Variants in PYROXD1 observed in about 807,000 individuals in gnomAD.
PYROXD1 encodes pyridine nucleotide-disulphide oxidoreductase domain 1.
PYROXD1 carries 42 observed loss-of-function variants against 62.0 expected under a neutral mutation model. The observed-to-expected ratio is 0.68, with a 90% CI of 0.53 to 0.88. PYROXD1 has a LOEUF of 0.88. Ranked by LOEUF, PYROXD1 falls within the 40% of genes least tolerant of loss-of-function variation. The probability of loss-of-function intolerance (pLI) is 0.00; values close to 1 mark genes in which losing one functional copy is unlikely to be tolerated. For missense variants in PYROXD1, 493 were observed against 604.8 expected, an observed-to-expected ratio of 0.82 and a Z score of 1.94; for synonymous variants, 170 against 206.4, an observed-to-expected ratio of 0.82 and a Z score of 1.51.
chr12:21,460,992 G>T, intron 7 of PYROXD1, 33 bp from the exon 8 acceptor site: 1 of 1,366,116 alleles, frequency 7.3e-7, no homozygotes, highest in Non-Finnish European at 9.9e-7. Context: ...CTTTCTGTAA[G>T]TATTATGCTA....
intron 3 of PYROXD1, 132 bp from the exon 4 acceptor site, chr12:21,449,431 T>A: frequency 1.5e-6 from 1 of 666,914 alleles, no homozygotes. Context: ...AACAAAGAAC[T>A]GAGTGCCACC....
intron 10 of PYROXD1, among the ~76,000 whole-genome samples, chr12:21,465,934 C>T (rs1181356206): frequency 2.0e-5 from 3 of 152,184 alleles, no homozygotes; most frequent in Admixed American, 1.3e-4. Context: ...ATCCCTTCCC[C>T]ATTTCTTCTT....
chr12:21,469,049 A>G lies in PYROXD1; in HGVS notation c.*295A>G. 3.7e-6 allele frequency: 1 copy of G among 270,272 alleles called. No homozygotes were observed. The allele number at this position is 270,272 out of a possible 1,614,324, so 16.7% of individuals were successfully genotyped here. On this transcript the variant is annotated 3_prime_UTR_variant, in exon 12 of 12. Coordinates refer to ENST00000240651, the MANE Select transcript of PYROXD1 (RefSeq NM_024854.5). ...TACTTGTGATTTAGCTTTGGAGCAA[A>G]TTTAGGTAAGTTATCTACTTAGCCA...
intron 7 of PYROXD1, among the ~76,000 whole-genome samples, chr12:21,460,365 T>C (rs917581173): frequency 9.2e-5 from 14 of 151,942 alleles, no homozygotes; most frequent in Non-Finnish European, 1.6e-4. Flanking sequence ...AAGAAAATTT[T>C]ATAGTCCATA....
At position 21,456,012 on chromosome 12, in the gene PYROXD1, A is replaced by G. The variant is rs909582877; in HGVS notation, c.667A>G (p.Arg223Gly). ...CTCTTTAGGAAGGAAAAAGGAAGCT[A>G]GAAGCAAATCTAAAGCAGATAATGT... ...YTTEGRKKEA[R>G]SKSKADNVGS... The change falls in exon 7 of 12, where the codon AGA becomes GGA. Residue 223 changes from arginine to glycine, a missense_variant. Coordinates refer to ENST00000240651, the MANE Select transcript of PYROXD1 (RefSeq NM_024854.5). The G allele has an allele frequency of 1.0e-5, 16 of 1,607,724 alleles. No homozygotes were observed. The highest frequency in any genetic ancestry group is 2.7e-5 in the African/African-American group (2 of 74,690).
intron 2 of PYROXD1, chr12:21,441,327 A>T (rs1257960832): frequency 6.6e-6 from 1 of 152,040 alleles, no homozygotes; most frequent in African/African-American, 2.4e-5. Context: ...CCAGCCTGGA[A>T]AGTTTTCTGT....
rs1009258161 is a variant in PYROXD1 at position 21,461,288 on chromosome 12, A to G, written c.880+134A>G. ...AAACATGAAAAGTAAAAATAAAACCATAATTTAATAACATTAACTCACTTC... is the reference window on the plus strand; with the variant it reads ...AAACATGAAAAGTAAAAATAAAACCGTAATTTAATAACATTAACTCACTTC... On this transcript the variant is annotated intron_variant, in intron 8 of 11. Coordinates refer to ENST00000240651, the MANE Select transcript of PYROXD1 (RefSeq NM_024854.5). 1.1e-5 allele frequency: 6 copies of G among 570,488 alleles called. No individual in the cohort carries two copies. The East Asian group carries it at 1.7e-4, about 16-fold the overall frequency. 35.3% of individuals were successfully genotyped at this position (570,488 alleles called of 1,614,324 possible).
chr12:21,448,264 A>G, intron 3 of PYROXD1: 1 of 388,112 alleles, frequency 2.6e-6, no homozygotes, highest in Non-Finnish European at 5.0e-6. Context: ...CAGGAACTTC[A>G]GTAGTTTCCT....
At position 21,455,651 on chromosome 12, in the gene PYROXD1, T is replaced by C. The variant is rs7310391; in HGVS notation, c.650-344T>C. On this transcript the variant is annotated intron_variant, in intron 6 of 11. Transcript: ENST00000240651. ...TTGATAGCTTTGAAAAACTTTTAGA[T>C]TATAAAATTAAACAAGAGTTTTGTA... Among the ~76,000 whole-genome samples the C allele has an allele frequency of 0.38, 57,867 of 150,954 alleles. 11,314 individuals carry two copies. The highest frequency in any genetic ancestry group is 0.48 in the Middle Eastern group (141 of 294).
intron 11 of PYROXD1, among the ~76,000 whole-genome samples, chr12:21,467,998 T>C (rs1209639348): frequency 7.2e-6 from 1 of 138,746 alleles, no homozygotes; most frequent in African/African-American, 2.8e-5. Context: ...CCTCTTCACA[T>C]TGACAAAGGT....
In PYROXD1 at chr12:21,456,074, G is replaced by C. The variant is rs1205911414; in HGVS notation, c.729G>C (p.Leu243Phe). The part of the protein sequence containing the change: ...SALGPDWHEG[L>F]NLKGTKEFSH... Reference sequence around the variant, plus strand: ...TGGGACCAGATTGGCATGAAGGCTTGAATCTTAAAGGAACAAAAGAGGTAT... The same window carrying C: ...TGGGACCAGATTGGCATGAAGGCTTCAATCTTAAAGGAACAAAAGAGGTAT... The change falls in exon 7 of 12, where the codon TTG becomes TTC. Residue 243 changes from leucine (L) to phenylalanine (F), a missense_variant. This residue lies in a region of PYROXD1 where 329 missense variants were observed against 446.6 expected (regional missense o/e 0.74). Transcript: ENST00000240651. The C allele has an allele frequency of 6.2e-6, 10 of 1,605,614 alleles. No homozygotes were observed. The African/African-American group carries it at 1.2e-4, about 19-fold the overall frequency.
intron 11 of PYROXD1, 31 bp from the exon 12 acceptor site, chr12:21,468,475 A>G (rs1037042132): frequency 1.3e-6 from 2 of 1,587,398 alleles, no homozygotes; most frequent in Admixed American, 1.7e-5. Flanking sequence ...TATGATACTC[A>G]TGACAATAAC....
Position 21,465,780 on chromosome 12 carries a change from T to C in PYROXD1, c.1117-1701T>C, listed in dbSNP as rs560882310. Among the ~76,000 whole-genome samples the C allele has an allele frequency of 2.5e-3, 388 of 152,244 alleles. 1 individual carries two copies. The highest frequency in any genetic ancestry group is 8.5e-3 in the African/African-American group (355 of 41,542). On this transcript the variant is annotated intron_variant, in intron 10 of 11. Coordinates refer to ENST00000240651, the MANE Select transcript of PYROXD1 (RefSeq NM_024854.5). ...GAATGGTATTGCCTAGGTTTTCTTC[T>C]AGGGTTTTTATGGTTTTAGGTCTAA...
intron 7 of PYROXD1, among the ~76,000 whole-genome samples, chr12:21,456,449 C>T (rs901380776): frequency 2.0e-5 from 3 of 152,152 alleles, no homozygotes; most frequent in Non-Finnish European, 2.9e-5. Context: ...CCAGTGCCTG[C>T]AAAAGTTATG....
At chr12:21,451,227 C>CT (rs1179988170) in intron 4 of PYROXD1, among the ~76,000 whole-genome samples, 2,987 of 107,714 alleles carry the variant, frequency 0.028, 36 homozygotes, top group Middle Eastern at 0.079. Flanking sequence ...GCTTCTCTCT[C>CT]TCTTTTTTTT....
At chr12:21,456,182 T>G in intron 7 of PYROXD1, 87 bp downstream of exon 7, 1 of 821,130 alleles carries the variant, frequency 1.2e-6, no homozygotes, top group Non-Finnish European at 2.0e-6. Context: ...AAATATATAG[T>G]CAACGAACTG....
In PYROXD1 at chr12:21,471,045, G is replaced by A; in HGVS notation, c.*2291G>A. 1.2e-5 allele frequency: 20 copies of A among 1,601,930 alleles called. No homozygotes were observed. Among genetic ancestry groups the A allele is most frequent in the Non-Finnish European group, 1.6e-5 (19 of 1,175,186 alleles). ...CTCATTGTTCAGAAGATTAGCTTTA[G>A]GTCCTATTTTCAAATACGAAATGGT... On this transcript the variant is annotated 3_prime_UTR_variant, in exon 12 of 12. Coordinates refer to ENST00000240651, the MANE Select transcript of PYROXD1 (RefSeq NM_024854.5).
Position 21,452,149 on chromosome 12 carries a change from G to T in PYROXD1, c.483G>T (p.Glu161Asp), listed in dbSNP as rs1470357243. ...MIIGNGGIAL[E>D]LVYEIEGCEV... ...TAGGGAACGGTGGTATTGCACTTGA[G>T]TTAGTGTAAGTATATATTTTTAAAT... Residue 161 changes from glutamate (E) to aspartate (D), a missense_variant, in exon 5 of 12, where the codon GAG becomes GAT. This residue lies in a region of PYROXD1 where 329 missense variants were observed against 446.6 expected (regional missense o/e 0.74). Transcript: ENST00000240651. 2 of 1,544,760 alleles carry T rather than the reference G, an allele frequency of 1.3e-6. No homozygotes were observed. Among genetic ancestry groups the T allele is most frequent in the Non-Finnish European group, 1.8e-6 (2 of 1,138,062 alleles).
chr12:21,440,639 A>G (rs550052895), intron 2 of PYROXD1, among the ~76,000 whole-genome samples, 191 bp downstream of exon 2: 1 of 148,356 alleles, frequency 6.7e-6, no homozygotes, highest in Non-Finnish European at 1.5e-5. Flanking sequence ...AATCTTTCCA[A>G]TTTGGATGCC....
Sources: gnomAD v4.1 joint callset for allele counts (sites outside exome capture counted in the v4.1 genomes callset) on GRCh38, gnomAD v4.1.1 for gene constraint, gnomAD v4.1.1 regional missense constraint, MANE v1.5 for transcripts, NCBI Gene and HGNC (gene_info 2026-07-23, HGNC 2026-07-21) for gene names.